NBL1: variants seen among roughly 807,000 people sequenced by gnomAD.
NBL1 encodes the protein NBL1, DAN family BMP antagonist, also known as neuroblastoma suppressor of tumorigenicity 1.
In NBL1, 9 loss-of-function variants were observed where a neutral mutation model predicts 16.0. The observed-to-expected ratio is 0.56, with a 90% CI of 0.34 to 0.98. NBL1 has a LOEUF of 0.98. NBL1 is among the 50% of genes least tolerant of loss of function. The pLI, the probability that NBL1 is intolerant of heterozygous loss-of-function variation, is 0.02. For synonymous variants in NBL1, 86 were observed against 100.7 expected, an observed-to-expected ratio of 0.85 and a Z score of 0.87; for missense variants, 196 against 243.1, an observed-to-expected ratio of 0.81 and a Z score of 1.29.
At chr1:19,653,171 C>T (rs1031924009) in intron 1 of NBL1, among the ~76,000 whole-genome samples, 5 of 147,504 alleles carry the variant, frequency 3.4e-5, no homozygotes, top group African/African-American at 1.3e-4. Flanking sequence ...CCTGCAGTCC[C>T]AGCTACACGG....
intron 3 of NBL1, 27 bp from the exon 4 acceptor site, chr1:19,656,839 C>T: frequency 6.3e-7 from 1 of 1,590,798 alleles, no homozygotes. Flanking sequence ...TGGGAACATG[C>T]CTCTGCTTCT....
intron 1 of NBL1, among the ~76,000 whole-genome samples, chr1:19,650,892 G>A (rs1175220108): frequency 6.6e-6 from 1 of 152,218 alleles, no homozygotes; most frequent in Non-Finnish European, 1.5e-5. Flanking sequence ...AGGAGGGTGG[G>A]CGGAGGCAGG....
At chr1:19,643,853 C>T (rs759555896), upstream of NBL1, 19 of 991,078 alleles carry the variant, frequency 1.9e-5, no homozygotes, top group Non-Finnish European at 2.3e-5. The surrounding 1 kb of genome is among the most constrained non-coding windows in gnomAD (Gnocchi z 4.7). Context: ...CGGGCTGGGG[C>T]GCCCCACTCT....
Position 19,644,391 on chromosome 1 carries a change from G to T in NBL1, c.-75G>T. The T allele has an allele frequency of 1.0e-6, 1 of 978,628 alleles. No individual in the cohort carries two copies. Among genetic ancestry groups the T allele is most frequent in the Non-Finnish European group, 1.2e-6 (1 of 827,196 alleles). 60.6% of individuals were successfully genotyped at this position (978,628 alleles called of 1,614,324 possible). A position where few individuals can be genotyped will look rare whatever the true frequency, so the allele number is the denominator to read the frequency against. ...CCGGCCGCCTCGCCGAGCCTCCTGGGGCGCCCGGGCCCGCGACCCCCGCAC... is the reference window on the plus strand; with the variant it reads ...CCGGCCGCCTCGCCGAGCCTCCTGGTGCGCCCGGGCCCGCGACCCCCGCAC... On this transcript the variant is annotated 5_prime_UTR_variant, in exon 1 of 4. Transcript: ENST00000375136. This position sits in a 1 kb window ranked among gnomAD's most constrained non-coding sequence, Gnocchi z 4.6.
intron 1 of NBL1, among the ~76,000 whole-genome samples, chr1:19,650,037 T>G (rs1474725902): frequency 6.6e-6 from 1 of 151,694 alleles, no homozygotes; most frequent in Non-Finnish European, 1.5e-5. Context: ...TGCAGTGGCG[T>G]GATCTCGGCT....
rs2095047883 is a variant in NBL1 at position 19,654,994 on chromosome 1, A to G, written c.-19-18A>G. ...TGCACCTTGCTGTGCCTCACCTGGC[A>G]CCTGTGCTCCGTTCTAGGGCTCTGG... is the stretch of plus-strand genomic sequence containing the variant. On this transcript the variant is annotated intron_variant, in intron 1 of 3. Transcript: ENST00000375136. The G allele has an allele frequency of 6.5e-7, 1 of 1,550,190 alleles. No individual in the cohort carries two copies.
rs2095048740 is a variant in NBL1, at chr1:19,655,135, C to T, written c.105C>T (p.Cys35=). The change falls in exon 2 of 4, where the codon TGC becomes TGT. Residue 35 remains cysteine, a synonymous_variant. Coordinates refer to ENST00000375136, the MANE Select transcript of NBL1 (RefSeq NM_005380.8). ...TGTTCCCAGATAAGAGTGCCTGGTG[C>T]GAAGCCAAGAACATCACCCAGATCG... ...LALFPDKSAW[C]EAKNITQIVG... 3.7e-6 allele frequency: 6 copies of T among 1,611,380 alleles called. No homozygotes were observed. Among genetic ancestry groups the T allele is most frequent in the Admixed American group, 1.7e-5 (1 of 59,740 alleles).
intron 1 of NBL1, among the ~76,000 whole-genome samples, chr1:19,652,794 C>T (rs1012969302): frequency 1.3e-5 from 2 of 151,602 alleles, no homozygotes; most frequent in South Asian, 4.2e-4. Context: ...TTGAGACCAG[C>T]CTGGCCAACC....
chr1:19,645,291 A>T (rs780066285), intron 1 of NBL1: 584 of 884,600 alleles, frequency 6.6e-4, no homozygotes, highest in Non-Finnish European at 7.6e-4. Context: ...TAAGAATTCC[A>T]CCCCCGCGAG....
chr1:19,657,267 C>T lies in NBL1; in HGVS notation c.*138C>T, dbSNP rs577024104. 1.8e-5 allele frequency: 10 copies of T among 548,646 alleles called. No individual in the cohort carries two copies. Among genetic ancestry groups the T allele is most frequent in the Middle Eastern group, 4.9e-4 (1 of 2,058 alleles). 34.0% of individuals were successfully genotyped at this position (548,646 alleles called of 1,614,324 possible). On this transcript the variant is annotated 3_prime_UTR_variant, in exon 4 of 4. Coordinates refer to ENST00000375136, the MANE Select transcript of NBL1 (RefSeq NM_005380.8). ...TTCAGACTCGGACTTGAATGCTGCC[C>T]GGTTGCCATGGAGATCTGAAGGGGC...
intron 3 of NBL1, among the ~76,000 whole-genome samples, chr1:19,656,473 C>A (rs2095056993): frequency 1.3e-5 from 2 of 151,616 alleles, no homozygotes; most frequent in South Asian, 4.2e-4. Flanking sequence ...AGAGCCCAAG[C>A]ACAGGATTGG....
intron 3 of NBL1, among the ~76,000 whole-genome samples, chr1:19,655,860 G>A (rs141132546): frequency 6.6e-5 from 10 of 152,236 alleles, no homozygotes; most frequent in East Asian, 1.9e-4. Context: ...CACCTGCTCC[G>A]TTCGCTTCTA....
intron 1 of NBL1, chr1:19,645,347 C>A: frequency 1.0e-6 from 1 of 985,726 alleles, no homozygotes; most frequent in Non-Finnish European, 1.2e-6. Context: ...GCCCGGCCCG[C>A]TCCCAGGGCG....
chr1:19,646,348 C>A (rs2094980376), intron 1 of NBL1, among the ~76,000 whole-genome samples: 1 of 152,186 alleles, frequency 6.6e-6, no homozygotes, highest in African/African-American at 2.4e-5. Context: ...AGCAAATGGT[C>A]AGTGGCTCGA....
In NBL1 at chr1:19,647,234, G is replaced by A. The variant is rs370244616; in HGVS notation, c.-20+2788G>A. ...GAAGTGGGAGTTCAAGACCAGCCTG[G>A]TCAACAAAGGGAGACCTTGTCTCTT... On this transcript the variant is annotated intron_variant, in intron 1 of 3. Transcript: ENST00000375136. Among the ~76,000 whole-genome samples the A allele has an allele frequency of 5.3e-5, 8 of 152,070 alleles. No individual in the cohort carries two copies. The East Asian group carries it at 9.7e-4, about 18-fold the overall frequency.
At chr1:19,646,827 T>G (rs535734381) in intron 1 of NBL1, among the ~76,000 whole-genome samples, 18 of 152,284 alleles carry the variant, frequency 1.2e-4, no homozygotes, top group African/African-American at 3.6e-4. Flanking sequence ...CCCTTGACAA[T>G]TTCTAAAATC....
chr1:19,652,171 A>G (rs1290319275), intron 1 of NBL1, among the ~76,000 whole-genome samples: 1 of 152,140 alleles, frequency 6.6e-6, no homozygotes, highest in Non-Finnish European at 1.5e-5. Flanking sequence ...TAGGAGGACA[A>G]GAGTCCCTGG....
intron 1 of NBL1, among the ~76,000 whole-genome samples, chr1:19,647,356 T>A (rs1296179342): frequency 6.6e-6 from 1 of 151,974 alleles, no homozygotes; most frequent in Non-Finnish European, 1.5e-5. Context: ...AGCCCCAGAG[T>A]TTGAGGCTGA....
Position 19,652,435 on chromosome 1 carries a change from G to A in NBL1, c.-19-2577G>A, listed in dbSNP as rs540020287. On this transcript the variant is annotated intron_variant, in intron 1 of 3. Coordinates refer to ENST00000375136, the MANE Select transcript of NBL1 (RefSeq NM_005380.8). ...AAATGCGTGGGTGAGGGCCTGGATC[G>A]TGACAGGAACTCATTTGGGAGGCGG... Among the ~76,000 whole-genome samples the A allele has an allele frequency of 3.1e-4, 46 of 150,102 alleles. No homozygotes were observed. The South Asian group carries it at 4.8e-3, about 16-fold the overall frequency.
Sources: allele counts gnomAD v4.1 joint callset (sites outside exome capture counted in the v4.1 genomes callset), GRCh38; gene constraint gnomAD v4.1.1; non-coding constraint Gnocchi (gnomAD v3.1); transcripts MANE v1.5; gene names NCBI Gene and HGNC (gene_info 2026-07-23, HGNC 2026-07-21).